Variants in ADCY2 observed in about 807,000 individuals in gnomAD.
ADCY2 encodes adenylate cyclase type 2.
A neutral mutation model predicts 125.2 loss-of-function variants in ADCY2; 31 were observed. The ratio of observed to expected loss-of-function variants is 0.25; its 90% CI spans 0.19 to 0.33. The LOEUF (loss-of-function observed/expected upper bound fraction) is 0.33, where lower values mean the gene tolerates loss of function less well. Among genes scored for constraint, ADCY2 ranks in the 10% least tolerant of loss-of-function variants. ADCY2 has a pLI of 1.00. For missense variants in ADCY2, 904 were observed against 1,418.2 expected, an observed-to-expected ratio of 0.64 and a Z score of 5.82; for synonymous variants, 512 against 548.4, an observed-to-expected ratio of 0.93 and a Z score of 0.93.
chr5:7,706,527 G>C (rs1411592763), intron 7 of ADCY2, among the ~76,000 whole-genome samples: 3 of 152,196 alleles, frequency 2.0e-5, no homozygotes, highest in Non-Finnish European at 2.9e-5. Flanking sequence ...AGTCTGGCCT[G>C]ATCTAGCTTT....
chr5:7,678,007 T>C (rs1313096639), intron 4 of ADCY2, among the ~76,000 whole-genome samples: 1 of 152,242 alleles, frequency 6.6e-6, no homozygotes, highest in African/African-American at 2.4e-5. Flanking sequence ...GTTTACTGTT[T>C]GATAAATATT....
intron 2 of ADCY2, among the ~76,000 whole-genome samples, chr5:7,512,217 T>TGAAAAAA (rs1398702717): frequency 1.1e-4 from 1 of 8,708 alleles, no homozygotes; most frequent in Admixed American, 1.4e-3. Flanking sequence ...CATGACTCCA[T>TGAAAAAA]CAAAAAAAAA....
intron 20 of ADCY2, chr5:7,799,029 C>A (rs983760638): frequency 6.6e-6 from 1 of 152,170 alleles, no homozygotes; most frequent in African/African-American, 2.4e-5. Flanking sequence ...GCCACAGAAA[C>A]GCAGTTGCTT....
intron 8 of ADCY2, among the ~76,000 whole-genome samples, chr5:7,707,339 C>T (rs1185323443): frequency 6.6e-6 from 1 of 152,138 alleles, no homozygotes; most frequent in Non-Finnish European, 1.5e-5. Flanking sequence ...TTTAGAGAAG[C>T]ACGAGAGCAA....
intron 6 of ADCY2, 114 bp downstream of exon 6, chr5:7,695,977 G>T: frequency 1.6e-6 from 1 of 630,616 alleles, no homozygotes; most frequent in South Asian, 2.5e-5. Flanking sequence ...TAGGAACATT[G>T]TTTGTAGAAG....
intron 3 of ADCY2, among the ~76,000 whole-genome samples, chr5:7,526,598 A>G (rs528816036): frequency 2.0e-5 from 3 of 152,308 alleles, no homozygotes; most frequent in South Asian, 2.1e-4. Flanking sequence ...ATGTGCAACT[A>G]TTATATATCA....
intron 17 of ADCY2, among the ~76,000 whole-genome samples, chr5:7,768,771 T>G (rs1405612388): frequency 1.3e-5 from 2 of 152,202 alleles, no homozygotes; most frequent in Non-Finnish European, 2.9e-5. Context: ...CTCTCAAATC[T>G]AGGTGGGATT....
chr5:7,784,309 T>C (rs2126497738), intron 18 of ADCY2, 56 bp from the exon 19 acceptor site: 5 of 1,229,432 alleles, frequency 4.1e-6, no homozygotes, highest in Non-Finnish European at 4.8e-6. Flanking sequence ...TTCTAAGTCC[T>C]GTATGCGTGT....
At chr5:7,499,685 A>ATATATATGTG (rs1347403895) in intron 2 of ADCY2, among the ~76,000 whole-genome samples, 6 of 135,048 alleles carry the variant, frequency 4.4e-5, no homozygotes, top group Non-Finnish European at 6.2e-5. Context: ...ATATATATGT[A>ATATATATGTG]TATATATGTG....
chr5:7,398,567 CTGTCACCTA>C (rs1739145514), intron 1 of ADCY2, among the ~76,000 whole-genome samples: 1 of 152,238 alleles, frequency 6.6e-6, no homozygotes, highest in Non-Finnish European at 1.5e-5. Flanking sequence ...CACAGCATGG[CTGTCACCTA>C]TGGTGAGGTC....
chr5:7,707,586 GCGGT>G, intron 8 of ADCY2, 116 bp from the exon 9 acceptor site: 3 of 1,161,076 alleles, frequency 2.6e-6, no homozygotes, highest in Non-Finnish European at 3.7e-6. Context: ...AACTTTAATT[GCGGT>G]CAGTGCTCCT....
chr5:7,589,478 G>GAAAAGAAAGAAAGAAAGAAAGAAAA (rs1554022196), intron 3 of ADCY2, among the ~76,000 whole-genome samples: 1 of 50,738 alleles, frequency 2.0e-5, no homozygotes, highest in African/African-American at 4.8e-5. Context: ...AAGAAAGAAA[G>GAAAAGAAAGAAAGAAAGAAAGAAAA]AAAGAAAGAA....
At chr5:7,608,783 A>G (rs1232118977) in intron 3 of ADCY2, among the ~76,000 whole-genome samples, 4 of 152,076 alleles carry the variant, frequency 2.6e-5, no homozygotes, top group Non-Finnish European at 5.9e-5. Context: ...TTGGGGTGCT[A>G]TGACCTCTGT....
chr5:7,707,234 C>T (rs1224123253), intron 8 of ADCY2, among the ~76,000 whole-genome samples: 3 of 152,120 alleles, frequency 2.0e-5, no homozygotes, highest in Non-Finnish European at 2.9e-5. Context: ...AACTGTTGAC[C>T]TCTAAAACCA....
chr5:7,582,519 C>G (rs540641572), intron 3 of ADCY2, among the ~76,000 whole-genome samples: 1 of 152,132 alleles, frequency 6.6e-6, no homozygotes, highest in African/African-American at 2.4e-5. Flanking sequence ...AAAATTCTTA[C>G]TAAAATCTTA....
At chr5:7,825,147 A>C (rs766938648) in intron 24 of ADCY2, among the ~76,000 whole-genome samples, 1 of 149,426 alleles carries the variant, frequency 6.7e-6, no homozygotes, top group Non-Finnish European at 1.5e-5. Flanking sequence ...TCCCATAATA[A>C]CGCTGCTGTG....
intron 15 of ADCY2, among the ~76,000 whole-genome samples, chr5:7,748,519 AACACAC>A (rs35989915): frequency 0.018 from 1,633 of 90,196 alleles, 34 homozygotes; most frequent in African/African-American, 0.059. Flanking sequence ...CCCACCCTCC[AACACAC>A]ACACACACAC....
rs141597203 is a variant in ADCY2 at position 7,543,453 on chromosome 5, T to C, written c.570+22554T>C. Among the ~76,000 whole-genome samples, 841 of 152,306 alleles carry C rather than the reference T, an allele frequency of 5.5e-3. 4 individuals are homozygous for C. Among genetic ancestry groups the C allele is most frequent in the African/African-American group, 0.019 (788 of 41,568 alleles). On this transcript the variant is annotated intron_variant, in intron 3 of 24. Transcript: ENST00000338316. ...GAGTTGACCCTTTTAGATCAATTAG[T>C]AATATGTAAATCCTAAATTTTATTT...
chr5:7,565,219 A>C lies in ADCY2; in HGVS notation c.570+44320A>C, dbSNP rs367615502. ...CAGGGTCAGTCTTTTTACTTTCAGA[A>C]GTTAATTGCAAATTCAGTTGATATT... On this transcript the variant is annotated intron_variant, in intron 3 of 24. Coordinates refer to ENST00000338316, the MANE Select transcript of ADCY2 (RefSeq NM_020546.3). Among the ~76,000 whole-genome samples the C allele has an allele frequency of 4.6e-5, 7 of 152,320 alleles. No homozygotes were observed. The South Asian group carries it at 8.3e-4, about 18-fold the overall frequency.
Sources: gnomAD v4.1 joint callset for allele counts (sites outside exome capture counted in the v4.1 genomes callset) on GRCh38, gnomAD v4.1.1 for gene constraint, MANE v1.5 for transcripts, NCBI Gene and HGNC (gene_info 2026-07-23, HGNC 2026-07-21) for gene names.